The following PSD3 variants were observed in gnomAD, a reference collection of about 807,000 sequenced individuals.
PSD3 encodes the protein PH and SEC7 domain-containing protein 3.
A neutral mutation model predicts 105.5 loss-of-function variants in PSD3; 49 were observed. The ratio of observed to expected loss-of-function variants is 0.46; its 90% CI spans 0.37 to 0.59. PSD3 has a LOEUF of 0.59. PSD3 is among the 20% of genes least tolerant of loss of function. PSD3 has a pLI of 0.00. For synonymous variants in PSD3, 557 were observed against 457.8 expected (o/e 1.22, Z -2.77); for missense variants, 1,561 against 1,263.8 (o/e 1.24, Z -3.57).
chr8:18,947,286 G>A (rs1822926919), intron 1 of PSD3, among the ~76,000 whole-genome samples: 1 of 152,200 alleles, frequency 6.6e-6, no homozygotes, highest in African/African-American at 2.4e-5. Flanking sequence ...TGGACCACCA[G>A]CTTAGGGAGA....
intron 2 of PSD3, among the ~76,000 whole-genome samples, chr8:18,916,905 G>A (rs1020677231): frequency 6.6e-6 from 1 of 151,512 alleles, no homozygotes; most frequent in Non-Finnish European, 1.5e-5. Flanking sequence ...AGGAAATAAG[G>A]GAGAGAAGTC....
At chr8:19,076,392 G>C (rs907112445) in intron 1 of PSD3, among the ~76,000 whole-genome samples, 1 of 152,126 alleles carries the variant, frequency 6.6e-6, no homozygotes, top group Non-Finnish European at 1.5e-5. Context: ...ATAATAGTGA[G>C]AGGAGATAGG....
At chr8:18,696,246 C>T (rs1801254302) in intron 9 of PSD3, among the ~76,000 whole-genome samples, 1 of 152,238 alleles carries the variant, frequency 6.6e-6, no homozygotes, top group Admixed American at 6.5e-5. Flanking sequence ...CCACCTCCTC[C>T]TCACCTCCAT....
intron 15 of PSD3, among the ~76,000 whole-genome samples, chr8:18,555,257 C>G (rs1335778732): frequency 6.6e-6 from 1 of 151,996 alleles, no homozygotes; most frequent in Non-Finnish European, 1.5e-5. Context: ...GTGTGAGACG[C>G]CACAGACACT....
Position 18,655,686 on chromosome 8 carries a change from C to T in PSD3, c.2173-1G>A. On this transcript the variant is annotated splice_acceptor_variant, in intron 9 of 15. Transcript: ENST00000327040. LOFTEE classifies it high-confidence loss of function. ...CATTCTTGATTGAGTTGTACAGAGC[C>T]TGTAAAGAGAGAAAATGAGATCACA... is the stretch of plus-strand genomic sequence containing the variant. The T allele has an allele frequency of 6.2e-7, 1 of 1,613,222 alleles. No homozygotes were observed. The highest frequency in any genetic ancestry group is 8.5e-7 in the Non-Finnish European group (1 of 1,179,300).
At chr8:18,762,545 C>T (rs1480340711) in intron 9 of PSD3, among the ~76,000 whole-genome samples, 1 of 152,252 alleles carries the variant, frequency 6.6e-6, no homozygotes, top group African/African-American at 2.4e-5. Context: ...AATATGCTAT[C>T]ACTGGTTGTC....
At chr8:18,591,646 A>G (rs1026354600) in intron 12 of PSD3, among the ~76,000 whole-genome samples, 2 of 152,126 alleles carry the variant, frequency 1.3e-5, no homozygotes, top group African/African-American at 4.8e-5. Flanking sequence ...TGGCTGGCAC[A>G]CTTAGTGTAC....
chr8:19,007,346 A>G (rs1172576828), intron 1 of PSD3, among the ~76,000 whole-genome samples: 1 of 152,078 alleles, frequency 6.6e-6, no homozygotes, highest in Non-Finnish European at 1.5e-5. Context: ...TTGCCCTAAT[A>G]TAGTAGTTAC....
chr8:18,986,559 C>CAA (rs1032265758), intron 1 of PSD3, among the ~76,000 whole-genome samples: 14 of 73,816 alleles, frequency 1.9e-4, no homozygotes, highest in Admixed American at 5.8e-4. Flanking sequence ...ATGGTCTCAG[C>CAA]AAAAAAAAAA....
At chr8:18,973,040 T>G (rs1252928341) in intron 1 of PSD3, among the ~76,000 whole-genome samples, 1 of 152,234 alleles carries the variant, frequency 6.6e-6, no homozygotes, top group African/African-American at 2.4e-5. Flanking sequence ...TAGGATAATG[T>G]AGACCTGAGT....
chr8:18,671,625 TTTTTTTG>T (rs774949814), intron 9 of PSD3, among the ~76,000 whole-genome samples: 4 of 150,954 alleles, frequency 2.6e-5, no homozygotes, highest in Admixed American at 2.0e-4. Flanking sequence ...CCTGATTTTG[TTTTTTTG>T]TTTTTTGTTT....
chr8:18,662,085 T>C (rs1809390041), intron 9 of PSD3, among the ~76,000 whole-genome samples: 1 of 152,116 alleles, frequency 6.6e-6, no homozygotes. Flanking sequence ...ATTAGTCTTA[T>C]GTTGTGATGT....
chr8:18,980,844 G>A (rs75642842), intron 1 of PSD3, among the ~76,000 whole-genome samples: 2,260 of 152,106 alleles, frequency 0.015, 65 homozygotes, highest in African/African-American at 0.052. Context: ...CTCCTAATTC[G>A]GAACACTGAG....
chr8:18,672,112 G>A (rs1799818963), intron 9 of PSD3, among the ~76,000 whole-genome samples: 1 of 152,136 alleles, frequency 6.6e-6, no homozygotes, highest in Non-Finnish European at 1.5e-5. Context: ...TTGTTGGTAA[G>A]CCTTAAGTGT....
At chr8:18,927,194 A>G (rs1230892599) in intron 2 of PSD3, among the ~76,000 whole-genome samples, 2 of 151,798 alleles carry the variant, frequency 1.3e-5, no homozygotes, top group Non-Finnish European at 2.9e-5. Context: ...AAACCTCTCA[A>G]ACGCTGTCCT....
intron 1 of PSD3, among the ~76,000 whole-genome samples, chr8:19,069,823 A>G (rs1385971704): frequency 6.6e-6 from 1 of 152,234 alleles, no homozygotes; most frequent in African/African-American, 2.4e-5. Context: ...CACCAGTTAC[A>G]TCTGGTGAAT....
At chr8:18,544,963 T>C (rs183047520) in intron 15 of PSD3, among the ~76,000 whole-genome samples, 1 of 152,156 alleles carries the variant, frequency 6.6e-6, no homozygotes, top group Admixed American at 6.5e-5. Flanking sequence ...GTCCAACCAG[T>C]TGCCAAGACC....
chr8:18,633,170 A>G (rs1226276388), intron 10 of PSD3, among the ~76,000 whole-genome samples: 1 of 152,088 alleles, frequency 6.6e-6, no homozygotes, highest in Non-Finnish European at 1.5e-5. Flanking sequence ...TCTTCTTTCA[A>G]ACAAGTGGGA....
Position 19,030,517 on chromosome 8 carries a change from A to C in PSD3, c.324+53689T>G, listed in dbSNP as rs959662869. Among the ~76,000 whole-genome samples, 11 of 152,156 alleles carry C rather than the reference A, an allele frequency of 7.2e-5. No homozygotes were observed. The East Asian group carries it at 1.6e-3, about 21-fold the overall frequency. On this transcript the variant is annotated intron_variant, in intron 1 of 1. Transcript: ENST00000521475. ...TTCTCATGAGATATGGTTACTTAAA[A>C]GTGTGTGGCACCTCTGCCGACCACA...
Sources: allele counts gnomAD v4.1 joint callset (sites outside exome capture counted in the v4.1 genomes callset), GRCh38; gene constraint gnomAD v4.1.1; transcripts MANE v1.5; gene names NCBI Gene and HGNC (gene_info 2026-07-23, HGNC 2026-07-21).